The following DENND2A variants were observed in gnomAD, a reference collection of about 807,000 sequenced individuals.
The protein encoded by DENND2A is DENN domain-containing protein 2A.
A neutral mutation model predicts 105.3 loss-of-function variants in DENND2A; 53 were observed. That is an observed-to-expected ratio of 0.50 (90% CI 0.40 to 0.63). The LOEUF (loss-of-function observed/expected upper bound fraction) is 0.63. DENND2A is among the 30% of genes least tolerant of loss of function. DENND2A has a pLI of 0.00. For missense variants in DENND2A, 1,138 were observed against 1,279.6 expected (o/e 0.89, Z 1.69); for synonymous variants, 522 against 508.4 (o/e 1.03, Z -0.36).
chr7:140,608,208 G>A (rs1170255874), intron 1 of DENND2A, among the ~76,000 whole-genome samples: 1 of 152,196 alleles, frequency 6.6e-6, no homozygotes, highest in Non-Finnish European at 1.5e-5. Flanking sequence ...CCAGAGAAAT[G>A]GCTGATGCCA....
At chr7:140,597,363 G>C (rs986221580) in intron 3 of DENND2A, among the ~76,000 whole-genome samples, 37 of 152,180 alleles carry the variant, frequency 2.4e-4, no homozygotes, top group African/African-American at 8.9e-4. Context: ...AAAGAGGGTG[G>C]TGCGTCTGCC....
chr7:140,597,284 T>G (rs914544597), intron 3 of DENND2A, among the ~76,000 whole-genome samples: 1 of 152,206 alleles, frequency 6.6e-6, no homozygotes, highest in African/African-American at 2.4e-5. Context: ...GCCATGAAAT[T>G]TGAAACCCTC....
chr7:140,564,207 C>T (rs1375005293), intron 9 of DENND2A, among the ~76,000 whole-genome samples: 2 of 151,468 alleles, frequency 1.3e-5, no homozygotes, highest in Non-Finnish European at 2.9e-5. Flanking sequence ...TGCTTGTACC[C>T]GGGAGGTGGA....
chr7:140,600,679 T>C (rs1799451297), intron 3 of DENND2A, among the ~76,000 whole-genome samples: 1 of 151,968 alleles, frequency 6.6e-6, no homozygotes, highest in Non-Finnish European at 1.5e-5. Context: ...CAAAGCTCAA[T>C]GGGGTGGGTC....
intron 11 of DENND2A, among the ~76,000 whole-genome samples, chr7:140,557,529 A>ATG (rs1563139283): frequency 3.0e-5 from 1 of 32,944 alleles, no homozygotes; most frequent in Admixed American, 4.5e-4. Context: ...ATATATATAT[A>ATG]TATTTTTTTT....
Position 140,585,720 on chromosome 7 carries a change from A to G in DENND2A, c.1124-10T>C. The G allele has an allele frequency of 6.2e-7, 1 of 1,614,144 alleles. No homozygotes were observed. The highest frequency in any genetic ancestry group is 8.5e-7 in the Non-Finnish European group (1 of 1,180,012). On this transcript the variant is annotated splice_polypyrimidine_tract_variant and intron_variant, in intron 4 of 19. Transcript: ENST00000496613. ...TCCTTCATTGGCGGATCTGTGTTCA[A>G]AGGCAATGTGTCAGGAACCTGGGAA...
At chr7:140,564,385 T>C (rs574459152) in intron 9 of DENND2A, among the ~76,000 whole-genome samples, 5 of 152,214 alleles carry the variant, frequency 3.3e-5, no homozygotes, top group Middle Eastern at 3.4e-3. Flanking sequence ...TAGGGAATAC[T>C]CACATATTGG....
chr7:140,631,772 T>C (rs780185547), intron 1 of DENND2A, among the ~76,000 whole-genome samples: 1 of 152,318 alleles, frequency 6.6e-6, no homozygotes, highest in African/African-American at 2.4e-5. Context: ...AAATCTCATC[T>C]GCAGCTCAGA....
chr7:140,540,539 G>A (rs1796620369), intron 14 of DENND2A, among the ~76,000 whole-genome samples: 1 of 152,204 alleles, frequency 6.6e-6, no homozygotes, highest in African/African-American at 2.4e-5. Flanking sequence ...CAGGAATCCA[G>A]GCAGGGTCCA....
chr7:140,544,595 G>T (rs372556060), intron 14 of DENND2A, 23 bp downstream of exon 14: 19 of 1,613,966 alleles, frequency 1.2e-5, no homozygotes, highest in Non-Finnish European at 1.4e-5. Context: ...AAACGCTTTA[G>T]CAGAAGTAGC....
chr7:140,594,750 G>T (rs761068397), intron 3 of DENND2A, among the ~76,000 whole-genome samples: 1 of 151,980 alleles, frequency 6.6e-6, no homozygotes, highest in Admixed American at 6.6e-5. Flanking sequence ...ATTTATTTTC[G>T]CTCTGTCGCC....
chr7:140,576,043 T>TAA (rs1554472030), intron 5 of DENND2A, among the ~76,000 whole-genome samples: 5 of 151,524 alleles, frequency 3.3e-5, no homozygotes, highest in African/African-American at 1.2e-4. Flanking sequence ...TATATATATA[T>TAA]AATTATTTTT....
At position 140,601,739 on chromosome 7, in the gene DENND2A, G is replaced by A. The variant is rs78836925; in HGVS notation, c.659C>T (p.Ser220Leu). The part of the protein sequence containing the change: ...GSEVSQRVHP[S>L]DLEGREPTPE... ...GGTGGGCTCCCTGCCTTCCAGGTCC[G>A]AGGGGTGGACCCTCTGGCTGACTTC... The change falls in exon 3 of 20, where the codon TCG becomes TTG. Residue 220 changes from serine to leucine, a missense_variant. Around this residue, in one of 2 missense-constraint regions of DENND2A, gnomAD observed 511 missense variants for 499.9 expected, o/e 1.02. Coordinates refer to ENST00000496613, the MANE Select transcript of DENND2A (RefSeq NM_015689.5). 678 of 1,613,968 alleles carry A rather than the reference G, an allele frequency of 4.2e-4. 2 individuals carry two copies. The African/African-American group carries it at 7.7e-3, about 18-fold the overall frequency.
At chr7:140,557,780 C>T (rs550601255) in intron 11 of DENND2A, among the ~76,000 whole-genome samples, 2 of 150,694 alleles carry the variant, frequency 1.3e-5, no homozygotes, top group Middle Eastern at 3.4e-3. Context: ...CCTCGTGATC[C>T]GCCCGTCTCG....
chr7:140,577,987 A>G (rs1276690596), intron 5 of DENND2A, among the ~76,000 whole-genome samples: 2 of 152,156 alleles, frequency 1.3e-5, no homozygotes, highest in African/African-American at 4.8e-5. Flanking sequence ...AGGACCTTAC[A>G]CCAACATGTA....
rs555457318 is a variant in DENND2A at position 140,635,677 on chromosome 7, G to A, written c.-248+4827C>T. ...CTTCCCCAAGGCCAGGGGAAAAAAC[G>A]ATCACTTGGTTTCCCATAGTTCAGC... On this transcript the variant is annotated intron_variant, in intron 1 of 19. Transcript: ENST00000496613. Among the ~76,000 whole-genome samples, 16 of 152,258 alleles carry A rather than the reference G, an allele frequency of 1.1e-4. No homozygotes were observed. The South Asian group carries it at 2.9e-3, about 28-fold the overall frequency.
intron 3 of DENND2A, among the ~76,000 whole-genome samples, chr7:140,589,651 A>C (rs749160953): frequency 2.0e-4 from 30 of 152,152 alleles, no homozygotes; most frequent in Non-Finnish European, 3.4e-4. Context: ...ATTTTTAGAA[A>C]CAGGTTCTCC....
intron 1 of DENND2A, among the ~76,000 whole-genome samples, chr7:140,634,511 A>G (rs1165215600): frequency 6.6e-6 from 1 of 152,208 alleles, no homozygotes; most frequent in Non-Finnish European, 1.5e-5. Flanking sequence ...TGGCACATGC[A>G]TAGAGGCAAT....
chr7:140,577,219 G>A (rs1378840021), intron 5 of DENND2A, among the ~76,000 whole-genome samples: 2 of 152,142 alleles, frequency 1.3e-5, no homozygotes, highest in African/African-American at 4.8e-5. Flanking sequence ...CAATGACACA[G>A]TACTATCTGA....
Sources: allele counts gnomAD v4.1 joint callset (sites outside exome capture counted in the v4.1 genomes callset), GRCh38; gene constraint gnomAD v4.1.1; regional missense constraint gnomAD v4.1.1; transcripts MANE v1.5; gene names NCBI Gene and HGNC (gene_info 2026-07-23, HGNC 2026-07-21).